The following FGF8 variants were observed in gnomAD, a reference collection of about 807,000 sequenced individuals.
FGF8 encodes the protein androgen-induced growth factor.
A neutral mutation model predicts 29.7 loss-of-function variants in FGF8; 12 were observed. The ratio of observed to expected loss-of-function variants is 0.40; its 90% confidence interval spans 0.26 to 0.65. The LOEUF is 0.65. FGF8 is among the 30% of genes least tolerant of loss of function. The pLI is 0.37. For missense variants in FGF8, 271 were observed against 345.1 expected (o/e 0.79, Z 1.70); for synonymous variants, 157 against 144.4 (o/e 1.09, Z -0.63).
chr10:101,771,362 T>C lies in FGF8; in HGVS notation c.444+101A>G, dbSNP rs1264132936. 23 of 885,176 alleles carry C rather than the reference T, an allele frequency of 2.6e-5. No individual in the cohort carries two copies. The highest frequency in any genetic ancestry group is 4.0e-5 in the Non-Finnish European group (21 of 526,806). The allele number at this position is 885,176 out of a possible 1,614,324, so 54.8% of individuals were successfully genotyped here. On this transcript the variant is annotated intron_variant, in intron 5 of 5. Coordinates refer to ENST00000320185, the MANE Select transcript of FGF8 (RefSeq NM_033163.5). This position sits in a 1 kb window ranked among gnomAD's most constrained non-coding sequence, Gnocchi z 5.3. ...CAAGATGGCCCTGTGGCCTTCTGCC[T>C]ACCTTGTTGGGATCAGAGCCCAGGA...
At chr10:101,776,543 C>A (rs1393343515), upstream of FGF8, among the ~76,000 whole-genome samples, 3 of 151,970 alleles carry the variant, frequency 2.0e-5, no homozygotes, top group Non-Finnish European at 4.4e-5. Context: ...CCGAGTCTGG[C>A]GGGTCTGGGT....
chr10:101,773,453 C>T (rs1367616618), intron 4 of FGF8, among the ~76,000 whole-genome samples: 1 of 151,358 alleles, frequency 6.6e-6, no homozygotes, highest in East Asian at 2.0e-4. Flanking sequence ...GCCGCCCCCA[C>T]CCCCACCCCA....
upstream of FGF8, among the ~76,000 whole-genome samples, chr10:101,776,554 CTCCGCCTCCGGGCCCAGCCGCT>C (rs1479519611): frequency 6.6e-6 from 1 of 152,056 alleles, no homozygotes; most frequent in Non-Finnish European, 1.5e-5. Context: ...GGGTCTGGGT[CTCCGCCTCCGGGCCCAGCCGCT>C]TCCGCCGCCG....
chr10:101,778,026 T>G (rs2065112950), upstream of FGF8, among the ~76,000 whole-genome samples: 2 of 152,240 alleles, frequency 1.3e-5, no homozygotes, highest in African/African-American at 4.8e-5. Context: ...TTCCCTGTGT[T>G]CTGTGTAAGG....
rs1158990587 is a variant in FGF8 at position 101,772,594 on chromosome 10, T to TCCTGCCGTC, written c.338-1034_338-1026dup. ...AGGAAGGGACAGAAGGCGCTGGCTCTCCTGCCGTCCCTGCCGCAGAGCCCA... is the reference window on the plus strand; with the variant it reads ...AGGAAGGGACAGAAGGCGCTGGCTCTCCTGCCGTCCCTGCCGTCCCTGCCGCAGAGCCCA... On this transcript the variant is annotated intron_variant, in intron 4 of 5. Transcript: ENST00000320185. This position sits in a 1 kb window ranked among gnomAD's most constrained non-coding sequence, Gnocchi z 4.4. Among the ~76,000 whole-genome samples the TCCTGCCGTC allele has an allele frequency of 6.6e-5, 10 of 152,188 alleles. No homozygotes were observed. Among genetic ancestry groups the TCCTGCCGTC allele is most frequent in the African/African-American group, 2.4e-4 (10 of 41,446 alleles).
Position 101,775,710 on chromosome 10 carries a change from C to T in FGF8, c.69+30G>A. The T allele has an allele frequency of 1.3e-6, 2 of 1,540,784 alleles. No homozygotes were observed. The highest frequency in any genetic ancestry group is 1.2e-5 in the South Asian group (1 of 83,724). On this transcript the variant is annotated intron_variant, in intron 2 of 5. Coordinates refer to ENST00000320185, the MANE Select transcript of FGF8 (RefSeq NM_033163.5). The surrounding 1 kb of genome is among the most constrained non-coding windows in gnomAD (Gnocchi z 4.6). ...CACCCGGGTCTCACACCGGCGCGCC[C>T]GGCCCCCGCCTCCGCGCACCCCTCC...
At chr10:101,779,788 G>A (rs1284679050), upstream of FGF8, among the ~76,000 whole-genome samples, 3 of 152,176 alleles carry the variant, frequency 2.0e-5, no homozygotes, top group African/African-American at 7.2e-5. This position sits in a 1 kb window ranked among gnomAD's most constrained non-coding sequence, Gnocchi z 5.7. Flanking sequence ...CACGTGCCGA[G>A]GACTTTGGAG....
chr10:101,770,312 G>A lies in FGF8; in HGVS notation c.*17C>T, dbSNP rs1280095203. 6 of 1,576,958 alleles carry A rather than the reference G, an allele frequency of 3.8e-6. No individual in the cohort carries two copies. Among genetic ancestry groups the A allele is most frequent in the South Asian group, 1.2e-5 (1 of 86,020 alleles). On this transcript the variant is annotated 3_prime_UTR_variant, in exon 6 of 6. Coordinates refer to ENST00000320185, the MANE Select transcript of FGF8 (RefSeq NM_033163.5). The stretch of plus-strand genomic sequence containing the variant: ...GCCTCTCTGCGGTCTGGCATTGTGG[G>A]GAGGGCCAGGCAGCACCTATCGGGG...
Position 101,770,304 on chromosome 10 carries a change from C to A in FGF8, c.*25G>T, listed in dbSNP as rs1400179259. The A allele has an allele frequency of 6.4e-7, 1 of 1,570,596 alleles. No homozygotes were observed. The highest frequency in any genetic ancestry group is 8.6e-7 in the Non-Finnish European group (1 of 1,158,044). ...CAGGATGAGCCTCTCTGCGGTCTGGCATTGTGGGGAGGGCCAGGCAGCACC... is the reference window on the plus strand; with the variant it reads ...CAGGATGAGCCTCTCTGCGGTCTGGAATTGTGGGGAGGGCCAGGCAGCACC... On this transcript the variant is annotated 3_prime_UTR_variant, in exon 6 of 6. Transcript: ENST00000320185.
At chr10:101,779,206 ACGCGCGCTTCCTG>A (rs1322730104), upstream of FGF8, among the ~76,000 whole-genome samples, 1 of 151,988 alleles carries the variant, frequency 6.6e-6, no homozygotes, top group Non-Finnish European at 1.5e-5. This position sits in a 1 kb window ranked among gnomAD's most constrained non-coding sequence, Gnocchi z 5.7. Flanking sequence ...GCTCGCTCCG[ACGCGCGCTTCCTG>A]CGCCGGGCGT....
At chr10:101,777,030 G>A (rs557478408), upstream of FGF8, among the ~76,000 whole-genome samples, 14 of 152,300 alleles carry the variant, frequency 9.2e-5, no homozygotes, top group East Asian at 1.7e-3. Context: ...ACTGGGGGAA[G>A]GGACTTCCAT....
In FGF8 at chr10:101,770,125, A is replaced by T; in HGVS notation, c.*204T>A. 1 of 534,746 alleles carries T rather than the reference A, an allele frequency of 1.9e-6. No homozygotes were observed. Among genetic ancestry groups the T allele is most frequent in the Non-Finnish European group, 3.2e-6 (1 of 309,666 alleles). The allele number at this position is 534,746 out of a possible 1,614,324, so 33.1% of individuals were successfully genotyped here. Reference sequence around the variant, plus strand: ...ACAGCCAAGTGGAATACAAAAATAGAGCCTCTCTTTTGTTTTAAAAAAAAA... The same window carrying T: ...ACAGCCAAGTGGAATACAAAAATAGTGCCTCTCTTTTGTTTTAAAAAAAAA... On this transcript the variant is annotated 3_prime_UTR_variant, in exon 6 of 6. Transcript: ENST00000320185.
At chr10:101,774,978 C>T (rs990686415) in intron 3 of FGF8, 66 bp from the exon 4 acceptor site, 3 of 1,571,834 alleles carry the variant, frequency 1.9e-6, no homozygotes, top group East Asian at 4.5e-5. Context: ...GCCCGAGTGG[C>T]CCCATCACCC....
upstream of FGF8, among the ~76,000 whole-genome samples, chr10:101,778,165 G>GCGTATGT: frequency 6.6e-6 from 1 of 152,362 alleles, no homozygotes; most frequent in Admixed American, 6.5e-5. Flanking sequence ...ATGTTTAGTT[G>GCGTATGT]CGTATGTCGA....
At chr10:101,773,298 C>A (rs1329876030) in intron 4 of FGF8, among the ~76,000 whole-genome samples, 5 of 152,222 alleles carry the variant, frequency 3.3e-5, no homozygotes, top group African/African-American at 9.6e-5. Context: ...GGGCCATTTG[C>A]TCTGACAGAG....
rs2065043892 is a variant in FGF8, at chr10:101,772,947, T to C, written c.338-1378A>G. Among the ~76,000 whole-genome samples the C allele has an allele frequency of 6.6e-6, 1 of 152,146 alleles. No individual in the cohort carries two copies. Among genetic ancestry groups the C allele is most frequent in the Non-Finnish European group, 1.5e-5 (1 of 68,030 alleles). ...AGCTATTTTTAAGGGCCAGGAAGGATGCTGACTGGAGGAGTGAGAGGATGC... is the reference window on the plus strand; with the variant it reads ...AGCTATTTTTAAGGGCCAGGAAGGACGCTGACTGGAGGAGTGAGAGGATGC... On this transcript the variant is annotated intron_variant, in intron 4 of 5. Transcript: ENST00000320185. This position sits in a 1 kb window ranked among gnomAD's most constrained non-coding sequence, Gnocchi z 4.4.
chr10:101,775,234 T>C lies in FGF8; in HGVS notation c.70-18A>G. ...GGGCCTTCCTAGAGGAGCAGGGCGC[T>C]TTTAAGTAGGGAGGCAGCCCTCCCC... On this transcript the variant is annotated intron_variant, in intron 2 of 5. Coordinates refer to ENST00000320185, the MANE Select transcript of FGF8 (RefSeq NM_033163.5). This position sits in a 1 kb window ranked among gnomAD's most constrained non-coding sequence, Gnocchi z 4.6. The C allele has an allele frequency of 6.6e-7, 1 of 1,523,362 alleles. No individual in the cohort carries two copies. The highest frequency in any genetic ancestry group is 8.9e-7 in the Non-Finnish European group (1 of 1,124,970). 94.4% of individuals were successfully genotyped at this position (1,523,362 alleles called of 1,614,324 possible).
rs377576119 is a variant in FGF8 at position 101,771,310 on chromosome 10, C to A, written c.444+153G>T. 2.0e-5 allele frequency among the ~76,000 whole-genome samples: 3 copies of A among 152,204 alleles called. No homozygotes were observed. On this transcript the variant is annotated intron_variant, in intron 5 of 5. Coordinates refer to ENST00000320185, the MANE Select transcript of FGF8 (RefSeq NM_033163.5). This position sits in a 1 kb window ranked among gnomAD's most constrained non-coding sequence, Gnocchi z 5.3. ...TCTCAAACAGCTTCCTTCTCCCTCA[C>A]TCCTGCACCCAATCGTGAGGTAACC...
rs1308385809 is a variant in FGF8, at chr10:101,770,678, G to A, written c.445-59C>T. 60 of 1,584,456 alleles carry A rather than the reference G, an allele frequency of 3.8e-5. No homozygotes were observed. In the Middle Eastern group the frequency reaches 6.6e-4, roughly 18 times the overall value. On this transcript the variant is annotated intron_variant, in intron 5 of 5. Transcript: ENST00000320185. ...AGCCCCCCCAGCAGAGGCAGAGGGC[G>A]AGCGGCCCCAGACAGCAGGTGGGCA... is the stretch of plus-strand genomic sequence containing the variant.
Sources: gnomAD v4.1 joint callset for allele counts (sites outside exome capture counted in the v4.1 genomes callset) on GRCh38, gnomAD v4.1.1 for gene constraint, Gnocchi (gnomAD v3.1) non-coding constraint, MANE v1.5 for transcripts, NCBI Gene and HGNC (gene_info 2026-07-23, HGNC 2026-07-21) for gene names.